GNG4: variants seen among roughly 807,000 people sequenced by gnomAD.
GNG4 encodes the protein guanine nucleotide-binding protein G(I)/G(S)/G(O) subunit gamma-4.
In GNG4, 4 loss-of-function variants were observed where a neutral mutation model predicts 5.8. The observed-to-expected ratio is 0.69, with a 90% confidence interval of 0.34 to 1.57. The LOEUF (loss-of-function observed/expected upper bound fraction) is 1.57. Ranked by LOEUF, GNG4 falls within the 40% of genes most tolerant of loss-of-function variation. The pLI is 0.06. For missense variants in GNG4, 96 were observed against 95.1 expected (o/e 1.01, Z -0.04); for synonymous variants, 29 against 32.9 (o/e 0.88, Z 0.41).
At chr1:235,635,328 C>G (rs968258409) in intron 1 of GNG4, among the ~76,000 whole-genome samples, 1 of 152,072 alleles carries the variant, frequency 6.6e-6, no homozygotes, top group Admixed American at 6.6e-5. Context: ...GAAACCCTGT[C>G]TCTACTAAAA....
At position 235,630,105 on chromosome 1, in the gene GNG4, A is replaced by G. The variant is rs145069300; in HGVS notation, c.-123+19557T>C. Among the ~76,000 whole-genome samples, 346 of 152,320 alleles carry G rather than the reference A, an allele frequency of 2.3e-3. 2 individuals are homozygous for G. The highest frequency in any genetic ancestry group is 8.0e-3 in the African/African-American group (334 of 41,568). Reference sequence around the variant, plus strand: ...TTGCACGATAATTTTTCCAGGGTAGATACTACAATAGGATTAGAGTTGGTG... The same window carrying G: ...TTGCACGATAATTTTTCCAGGGTAGGTACTACAATAGGATTAGAGTTGGTG... On this transcript the variant is annotated intron_variant, in intron 1 of 3. Coordinates refer to ENST00000391854, the MANE Select transcript of GNG4 (RefSeq NM_001098722.2).
chr1:235,569,419 C>T (rs989783235), intron 3 of GNG4, among the ~76,000 whole-genome samples: 3 of 149,522 alleles, frequency 2.0e-5, no homozygotes, highest in Non-Finnish European at 4.4e-5. Context: ...GATCACGACA[C>T]TGCACTCCAG....
At chr1:235,618,727 C>T (rs1366142401) in intron 1 of GNG4, among the ~76,000 whole-genome samples, 1 of 151,276 alleles carries the variant, frequency 6.6e-6, no homozygotes. Context: ...GTGATCTCGG[C>T]TCACTGCAAC....
chr1:235,593,763 C>A (rs543401435), intron 2 of GNG4, among the ~76,000 whole-genome samples: 1 of 152,054 alleles, frequency 6.6e-6, no homozygotes, highest in East Asian at 1.9e-4. Context: ...TGGAGTTGTT[C>A]CTTCCTCCCA....
chr1:235,570,669 G>A (rs1223413001), intron 3 of GNG4, among the ~76,000 whole-genome samples: 10 of 151,252 alleles, frequency 6.6e-5, no homozygotes, highest in African/African-American at 2.2e-4. Context: ...CAAAGTGCTG[G>A]GATTACAGGC....
At position 235,579,862 on chromosome 1, in the gene GNG4, A is replaced by AAAAAT. The variant is rs57019025; in HGVS notation, c.99+3877_99+3878insATTTT. Among the ~76,000 whole-genome samples, 16 of 108,556 alleles carry AAAAAT rather than the reference A, an allele frequency of 1.5e-4. 1 individual carries two copies. The highest frequency in any genetic ancestry group is 5.0e-4 in the African/African-American group (13 of 26,016). The allele number at this position is 108,556 out of a possible 152,430, so 71.2% of individuals were successfully genotyped here. A position where few individuals can be genotyped will look rare whatever the true frequency, so the allele number is the denominator to read the frequency against. ...TGAGACTCCATCTCTCAAAAAAAAA[A>AAAAAT]AGGTAAAAAGGTTGAACATAGAGTT... On this transcript the variant is annotated intron_variant, in intron 3 of 3. Transcript: ENST00000391854.
In GNG4 at chr1:235,552,165, C is replaced by A. The variant is rs1686769692; in HGVS notation, c.172G>T (p.Val58Leu). ...HVREDPLIIP[V>L]PASENPFREK... Reference sequence around the variant, plus strand: ...CGAAAGGGGTTTTCTGATGCAGGCACTGGAATGATGAGAGGATCTTCCCGC... The same window carrying A: ...CGAAAGGGGTTTTCTGATGCAGGCAATGGAATGATGAGAGGATCTTCCCGC... The change falls in exon 4 of 4, where the codon GTG becomes TTG. Residue 58 changes from valine (V) to leucine (L), a missense_variant. Val to Leu is a conservative substitution (Grantham distance 32). Coordinates refer to ENST00000391854, the MANE Select transcript of GNG4 (RefSeq NM_001098722.2). 2 of 1,613,808 alleles carry A rather than the reference C, an allele frequency of 1.2e-6. No homozygotes were observed. The highest frequency in any genetic ancestry group is 1.7e-6 in the Non-Finnish European group (2 of 1,179,824).
intron 2 of GNG4, among the ~76,000 whole-genome samples, chr1:235,593,453 G>C (rs1169351251): frequency 1.3e-5 from 2 of 152,206 alleles, no homozygotes; most frequent in Non-Finnish European, 2.9e-5. Flanking sequence ...CTGTCCATGA[G>C]CACTTGACAA....
At chr1:235,582,308 T>C (rs1687657425) in intron 3 of GNG4, among the ~76,000 whole-genome samples, 1 of 152,192 alleles carries the variant, frequency 6.6e-6, no homozygotes, top group South Asian at 2.1e-4. Context: ...CCTCCTCCCA[T>C]AGCTCTCTTC....
At chr1:235,569,449 C>T (rs1255254299) in intron 3 of GNG4, among the ~76,000 whole-genome samples, 2 of 106,814 alleles carry the variant, frequency 1.9e-5, no homozygotes, top group African/African-American at 7.5e-5. Flanking sequence ...CAGAGGGAGA[C>T]CGTGTCTCAA....
intron 3 of GNG4, among the ~76,000 whole-genome samples, chr1:235,569,377 G>A (rs1417306522): frequency 2.0e-5 from 3 of 151,512 alleles, no homozygotes; most frequent in Admixed American, 6.6e-5. Flanking sequence ...AGGATAGCTC[G>A]AGCCGGGAAG....
chr1:235,632,685 T>C (rs1688957435), intron 1 of GNG4, among the ~76,000 whole-genome samples: 1 of 152,172 alleles, frequency 6.6e-6, no homozygotes, highest in Admixed American at 6.6e-5. Flanking sequence ...CCCAAAACGA[T>C]TAGAATTAAG....
chr1:235,614,062 C>T (rs1469705427), intron 1 of GNG4, among the ~76,000 whole-genome samples: 1 of 152,208 alleles, frequency 6.6e-6, no homozygotes, highest in Non-Finnish European at 1.5e-5. Flanking sequence ...ATCTGCCTGC[C>T]TCAGCCTTCC....
At chr1:235,640,712 G>C (rs974820605) in intron 1 of GNG4, among the ~76,000 whole-genome samples, 2 of 152,178 alleles carry the variant, frequency 1.3e-5, no homozygotes, top group African/African-American at 4.8e-5. Flanking sequence ...CCAGACCTTC[G>C]GACCTGAGGG....
intron 2 of GNG4, among the ~76,000 whole-genome samples, chr1:235,587,576 G>GT (rs1687829143): frequency 1.2e-5 from 1 of 81,800 alleles, no homozygotes; most frequent in Non-Finnish European, 2.3e-5. Context: ...GAGGGTGTGG[G>GT]GTGGCGGTGA....
chr1:235,625,893 A>G (rs1222634637), intron 1 of GNG4, among the ~76,000 whole-genome samples: 1 of 152,228 alleles, frequency 6.6e-6, no homozygotes, highest in African/African-American at 2.4e-5. Context: ...AGCTGCTATA[A>G]ACATCTGTGT....
At chr1:235,645,524 A>G (rs1011066091) in intron 1 of GNG4, among the ~76,000 whole-genome samples, 1 of 152,176 alleles carries the variant, frequency 6.6e-6, no homozygotes, top group Non-Finnish European at 1.5e-5. Flanking sequence ...CAGGCTGGGC[A>G]TGGTGGCTCA....
At chr1:235,605,886 C>G (rs759510721) in intron 1 of GNG4, among the ~76,000 whole-genome samples, 1 of 149,384 alleles carries the variant, frequency 6.7e-6, no homozygotes, top group Non-Finnish European at 1.5e-5. Context: ...CAGGTGTCAT[C>G]AAATGAAGGG....
At chr1:235,590,257 C>T (rs1687925116) in intron 2 of GNG4, among the ~76,000 whole-genome samples, 1 of 152,038 alleles carries the variant, frequency 6.6e-6, no homozygotes, top group Admixed American at 6.6e-5. Context: ...GAGTTTGAGA[C>T]CAGCCTGACC....
Sources: allele counts gnomAD v4.1 joint callset (sites outside exome capture counted in the v4.1 genomes callset), GRCh38; gene constraint gnomAD v4.1.1; transcripts MANE v1.5; gene names NCBI Gene and HGNC (gene_info 2026-07-23, HGNC 2026-07-21).